EPHB2: variants seen among roughly 807,000 people sequenced by gnomAD.
EPHB2 encodes the protein ephrin type-B receptor 2.
A neutral mutation model predicts 96.4 loss-of-function variants in EPHB2; 18 were observed. That is an observed-to-expected ratio of 0.19 (90% CI 0.13 to 0.28). The LOEUF is 0.28. EPHB2 is among the 10% of genes least tolerant of loss of function. The pLI, the probability that EPHB2 is intolerant of heterozygous loss-of-function variation, is 1.00. For missense variants in EPHB2, 989 were observed against 1,355.4 expected, an observed-to-expected ratio of 0.73 and a Z score of 4.25; for synonymous variants, 506 against 534.1, an observed-to-expected ratio of 0.95 and a Z score of 0.72.
intron 1 of EPHB2, among the ~76,000 whole-genome samples, chr1:22,753,076 T>C (rs1275812971): frequency 2.0e-5 from 3 of 150,228 alleles, no homozygotes; most frequent in Non-Finnish European, 4.5e-5. Context: ...CCACTACACC[T>C]GGCCCAGGCT....
At chr1:22,722,059 G>A (rs1219382614) in intron 1 of EPHB2, among the ~76,000 whole-genome samples, 1 of 151,948 alleles carries the variant, frequency 6.6e-6, no homozygotes, top group African/African-American at 2.4e-5. Flanking sequence ...GCAATTCTTG[G>A]GCCTCAGCCT....
At chr1:22,902,080 C>T (rs1557746551) in intron 9 of EPHB2, among the ~76,000 whole-genome samples, 2 of 152,194 alleles carry the variant, frequency 1.3e-5, no homozygotes, top group South Asian at 2.1e-4. Context: ...CCTGCCTCAG[C>T]CTCCCAAAGG....
At chr1:22,736,881 G>A (rs1483905332) in intron 1 of EPHB2, among the ~76,000 whole-genome samples, 3 of 152,184 alleles carry the variant, frequency 2.0e-5, no homozygotes, top group East Asian at 1.9e-4. Flanking sequence ...CAGACCTGGG[G>A]AGGAGGGGAG....
chr1:22,794,919 G>A (rs1234577504), intron 3 of EPHB2, among the ~76,000 whole-genome samples: 1 of 152,202 alleles, frequency 6.6e-6, no homozygotes, highest in East Asian at 1.9e-4. Flanking sequence ...AGAGAGGCCC[G>A]TTGATTGAGG....
intron 5 of EPHB2, among the ~76,000 whole-genome samples, chr1:22,865,453 A>G (rs1005186766): frequency 1.3e-5 from 2 of 152,250 alleles, no homozygotes; most frequent in African/African-American, 2.4e-5. Context: ...TGCTGTAACA[A>G]AAAGATCCAA....
At chr1:22,912,648 C>T (rs372024917) in intron 15 of EPHB2, 49 bp downstream of exon 15, 35 of 1,607,956 alleles carry the variant, frequency 2.2e-5, no homozygotes, top group Non-Finnish European at 2.8e-5. Context: ...CCCTCTCCAC[C>T]GGCCCCACCA....
chr1:22,790,803 G>A lies in EPHB2; in HGVS notation c.811+5727G>A, dbSNP rs1040497727. ...TTTAGCTTGGATGGGGAGAGGGGCT[G>A]CTAGCCAGCTCGGGGTGGTTGCACG... is the stretch of plus-strand genomic sequence containing the variant. On this transcript the variant is annotated intron_variant, in intron 3 of 15. Coordinates refer to ENST00000374630, the MANE Select transcript of EPHB2 (RefSeq NM_017449.5). The surrounding 1 kb of genome is among the most constrained non-coding windows in gnomAD (Gnocchi z 4.0). 6.6e-6 allele frequency among the ~76,000 whole-genome samples: 1 copy of A among 152,252 alleles called. No homozygotes were observed.
At chr1:22,798,327 G>T (rs567957797) in intron 3 of EPHB2, among the ~76,000 whole-genome samples, 2 of 152,170 alleles carry the variant, frequency 1.3e-5, no homozygotes, top group Non-Finnish European at 2.9e-5. Flanking sequence ...GCGCCCCACA[G>T]GTCTGTCTGT....
rs373336796 is a variant in EPHB2, at chr1:22,815,259, G to A, written c.811+30183G>A. On this transcript the variant is annotated intron_variant, in intron 3 of 15. Transcript: ENST00000374630. ...AATCAGGACAGGCTAGAGATGGAAG[G>A]TGGGGGGTGGTTGTGGGGGGTACAG... Among the ~76,000 whole-genome samples, 30 of 152,312 alleles carry A rather than the reference G, an allele frequency of 2.0e-4. No homozygotes were observed. The South Asian group carries it at 6.2e-3, about 32-fold the overall frequency.
intron 1 of EPHB2, among the ~76,000 whole-genome samples, chr1:22,756,586 G>A (rs557572546): frequency 1.1e-4 from 17 of 152,258 alleles, no homozygotes; most frequent in Middle Eastern, 3.4e-3. Flanking sequence ...GGGAAGTGGC[G>A]GGGGCAGCGG....
intron 3 of EPHB2, among the ~76,000 whole-genome samples, chr1:22,831,712 C>T (rs1005738288): frequency 3.3e-5 from 5 of 152,054 alleles, no homozygotes; most frequent in South Asian, 2.1e-4. Context: ...CCAAAATGAT[C>T]GTGGGAATCC....
At chr1:22,779,827 A>C (rs1644503749) in intron 1 of EPHB2, among the ~76,000 whole-genome samples, 2 of 152,332 alleles carry the variant, frequency 1.3e-5, no homozygotes, top group African/African-American at 4.8e-5. Flanking sequence ...TGTGGCAAGA[A>C]GCATCATGTG....
At chr1:22,793,531 C>T (rs565728164) in intron 3 of EPHB2, among the ~76,000 whole-genome samples, 1 of 152,188 alleles carries the variant, frequency 6.6e-6, no homozygotes, top group Admixed American at 6.5e-5. Flanking sequence ...TCTTTTTAAA[C>T]CCTAGCCTCT....
intron 2 of EPHB2, among the ~76,000 whole-genome samples, chr1:22,783,703 G>A (rs1321774060): frequency 6.6e-6 from 1 of 152,200 alleles, no homozygotes; most frequent in Non-Finnish European, 1.5e-5. Flanking sequence ...GCCCCTTGCA[G>A]CGGTGAGGCT....
chr1:22,813,132 G>A (rs1023512124), intron 3 of EPHB2, among the ~76,000 whole-genome samples: 1 of 152,170 alleles, frequency 6.6e-6, no homozygotes, highest in Non-Finnish European at 1.5e-5. Flanking sequence ...GTACTTTTCT[G>A]TTTACAAAGC....
chr1:22,895,154 A>G (rs1267280505), intron 7 of EPHB2, among the ~76,000 whole-genome samples: 1 of 152,238 alleles, frequency 6.6e-6, no homozygotes, highest in African/African-American at 2.4e-5. Context: ...GTCTGTCTCC[A>G]GAGTCTGCGC....
At chr1:22,767,518 A>G (rs1644323625) in intron 1 of EPHB2, among the ~76,000 whole-genome samples, 1 of 152,112 alleles carries the variant, frequency 6.6e-6, no homozygotes, top group Non-Finnish European at 1.5e-5. Context: ...CCATCCCTTG[A>G]AGGGTTTTGG....
At chr1:22,792,230 G>A (rs1464646635) in intron 3 of EPHB2, among the ~76,000 whole-genome samples, 1 of 150,572 alleles carries the variant, frequency 6.6e-6, no homozygotes, top group Non-Finnish European at 1.5e-5. Context: ...TGGGCTCTGG[G>A]AGGGAGGCCG....
chr1:22,769,681 T>G (rs1016335472), intron 1 of EPHB2, among the ~76,000 whole-genome samples: 2 of 152,216 alleles, frequency 1.3e-5, no homozygotes, highest in African/African-American at 4.8e-5. Context: ...GTGCTGGGAT[T>G]ACAGGCGTGA....
Sources: gnomAD v4.1 joint callset for allele counts (sites outside exome capture counted in the v4.1 genomes callset) on GRCh38, gnomAD v4.1.1 for gene constraint, Gnocchi (gnomAD v3.1) non-coding constraint, MANE v1.5 for transcripts, NCBI Gene and HGNC (gene_info 2026-07-23, HGNC 2026-07-21) for gene names.